The following LGSN variants were observed in gnomAD, a reference collection of about 807,000 sequenced individuals.
The protein encoded by LGSN is lengsin.
In LGSN, 21 loss-of-function variants were observed where a neutral mutation model predicts 19.5. The observed-to-expected ratio is 1.07, with a 90% CI of 0.76 to 1.55. The LOEUF (loss-of-function observed/expected upper bound fraction) is 1.55. Ranked by LOEUF, LGSN falls within the 40% of genes most tolerant of loss-of-function variation. The probability of loss-of-function intolerance (pLI) is 0.00; values close to 1 mark genes in which losing one functional copy is unlikely to be tolerated. For missense variants in LGSN, 673 were observed against 608.5 expected, an observed-to-expected ratio of 1.11 and a Z score of -1.12; for synonymous variants, 257 against 215.6, an observed-to-expected ratio of 1.19 and a Z score of -1.68.
the LGSN span, among the ~76,000 whole-genome samples, chr6:63,483,557 A>G: frequency 1.3e-5 from 2 of 151,858 alleles, no homozygotes; most frequent in African/African-American, 2.4e-5. Context: ...TTTAGTAGAG[A>G]TGGGGTTTCA....
chr6:63,511,902 G>A, the LGSN span, among the ~76,000 whole-genome samples: 1 of 151,990 alleles, frequency 6.6e-6, no homozygotes, highest in East Asian at 1.9e-4. Context: ...GATGTTCTTG[G>A]CTGCAAGTAA....
At chr6:63,544,930 T>G in the LGSN span, among the ~76,000 whole-genome samples, 1 of 152,194 alleles carries the variant, frequency 6.6e-6, no homozygotes, top group East Asian at 1.9e-4. Context: ...AGAGATACTT[T>G]AAAGTTATAT....
chr6:63,360,616 C>A, the LGSN span, among the ~76,000 whole-genome samples: 1 of 150,384 alleles, frequency 6.6e-6, no homozygotes, highest in Non-Finnish European at 1.5e-5. Context: ...TCCTTTAGCT[C>A]AGAGTAGTTT....
the LGSN span, among the ~76,000 whole-genome samples, chr6:63,325,952 G>A: frequency 6.6e-6 from 1 of 152,074 alleles, no homozygotes; most frequent in South Asian, 2.1e-4. Context: ...CTCTTATCTG[G>A]CCCCACCCAC....
In LGSN at chr6:63,316,562, T is replaced by TTTG. The variant is rs552644032; in HGVS notation, c.30+3349_30+3351dup. Among the ~76,000 whole-genome samples, 43 of 152,252 alleles carry TTTG rather than the reference T, an allele frequency of 2.8e-4. No homozygotes were observed. In the South Asian group the frequency reaches 8.1e-3, roughly 29 times the overall value. ...TAAAATAATAAAGGAAGCAAAAAGT[T>TTTG]TTGTTTTATTTAGTATGTTCATAAT... is the stretch of plus-strand genomic sequence containing the variant. On this transcript the variant is annotated intron_variant, in intron 1 of 3. Coordinates refer to ENST00000370657, the MANE Select transcript of LGSN (RefSeq NM_016571.3).
chr6:63,500,962 A>G, the LGSN span, among the ~76,000 whole-genome samples: 3 of 150,890 alleles, frequency 2.0e-5, no homozygotes, highest in Admixed American at 2.0e-4. Flanking sequence ...TCCTGACCCC[A>G]AGTGATCTGG....
the LGSN span, among the ~76,000 whole-genome samples, chr6:63,432,165 GAAAGAA>G: frequency 1.2e-5 from 1 of 84,660 alleles, no homozygotes; most frequent in African/African-American, 5.2e-5. Context: ...AAGAAAGAAA[GAAAGAA>G]AAGGAAAGAA....
chr6:63,531,267 GT>G, the LGSN span, among the ~76,000 whole-genome samples: 2 of 152,256 alleles, frequency 1.3e-5, no homozygotes, highest in East Asian at 3.9e-4. Context: ...AGAGGATTTG[GT>G]TTAATTAGTG....
chr6:63,443,904 C>G, the LGSN span, among the ~76,000 whole-genome samples: 1 of 116,516 alleles, frequency 8.6e-6, no homozygotes, highest in Non-Finnish European at 1.8e-5. Context: ...ACTAAATGGT[C>G]AGCTGTCACC....
chr6:63,509,969 G>A, the LGSN span, among the ~76,000 whole-genome samples: 38 of 152,284 alleles, frequency 2.5e-4, no homozygotes, highest in South Asian at 7.5e-3. Flanking sequence ...CAAAACATGA[G>A]TATGTGATAA....
the LGSN span, among the ~76,000 whole-genome samples, chr6:63,413,731 G>A: frequency 2.6e-5 from 4 of 152,032 alleles, no homozygotes; most frequent in Non-Finnish European, 4.4e-5. Flanking sequence ...TCATATAAAG[G>A]TAAAATGCCA....
At chr6:63,438,211 G>C in the LGSN span, among the ~76,000 whole-genome samples, 1 of 152,144 alleles carries the variant, frequency 6.6e-6, no homozygotes, top group Non-Finnish European at 1.5e-5. Context: ...TCAAGAGTTT[G>C]AGACCAGCCT....
the LGSN span, among the ~76,000 whole-genome samples, chr6:63,379,249 T>C: frequency 6.6e-6 from 1 of 151,996 alleles, no homozygotes; most frequent in East Asian, 1.9e-4. Context: ...TCAGGCATAG[T>C]CAGGCACTGA....
Position 63,313,871 on chromosome 6 carries a change from C to A in LGSN, c.30+6043G>T, listed in dbSNP as rs6932933. Among the ~76,000 whole-genome samples, 633 of 143,796 alleles carry A rather than the reference C, an allele frequency of 4.4e-3. 4 individuals are homozygous for A. Among genetic ancestry groups the A allele is most frequent in the Middle Eastern group, 0.027 (7 of 256 alleles). The allele number at this position is 143,796 out of a possible 152,430, so 94.3% of individuals were successfully genotyped here. The stretch of plus-strand genomic sequence containing the variant: ...AAATAAATAAATAAATAAATAAATA[C>A]ATACATACATACATACATACATGCA... On this transcript the variant is annotated intron_variant, in intron 1 of 3. Transcript: ENST00000370657.
chr6:63,352,147 G>A, the LGSN span, among the ~76,000 whole-genome samples: 22 of 150,944 alleles, frequency 1.5e-4, no homozygotes, highest in African/African-American at 5.1e-4. Flanking sequence ...ATGTTTCTAG[G>A]CAAACAGTAG....
the LGSN span, among the ~76,000 whole-genome samples, chr6:63,390,700 CA>C: frequency 2.0e-5 from 3 of 148,916 alleles, no homozygotes; most frequent in African/African-American, 4.9e-5. Context: ...ACTAAAAATA[CA>C]AAAAAAAAGT....
the LGSN span, among the ~76,000 whole-genome samples, chr6:63,445,589 G>A: frequency 3.3e-5 from 5 of 152,116 alleles, 1 homozygote; most frequent in African/African-American, 1.2e-4. Context: ...CTGCACTCCA[G>A]CCTGGGTGAC....
At chr6:63,362,939 C>A in the LGSN span, among the ~76,000 whole-genome samples, 1 of 152,210 alleles carries the variant, frequency 6.6e-6, no homozygotes, top group Non-Finnish European at 1.5e-5. Flanking sequence ...CTGGGAGACA[C>A]CTCCCAGTAG....
the LGSN span, among the ~76,000 whole-genome samples, chr6:63,471,117 ATTTTTTTTTTTTGGTTG>A: frequency 7.1e-6 from 1 of 141,740 alleles, no homozygotes; most frequent in African/African-American, 2.6e-5. Context: ...TACTCGGCTA[ATTTTTTTTTTTTGGTTG>A]TTTTTTTTTG....
Sources: gnomAD v4.1 joint callset for allele counts (sites outside exome capture counted in the v4.1 genomes callset) on GRCh38, gnomAD v4.1.1 for gene constraint, MANE v1.5 for transcripts, NCBI Gene and HGNC (gene_info 2026-07-23, HGNC 2026-07-21) for gene names.